The following CYP7B1 variants were observed in gnomAD, a reference collection of about 807,000 sequenced individuals.
CYP7B1 encodes cytochrome P450 7B1.
CYP7B1 carries 29 observed loss-of-function variants against 42.7 expected under a neutral mutation model. The ratio of observed to expected loss-of-function variants is 0.68; its 90% CI spans 0.51 to 0.93. The LOEUF (loss-of-function observed/expected upper bound fraction) is 0.93, where lower values mean the gene tolerates loss of function less well. CYP7B1 is among the 40% of genes least tolerant of loss of function. CYP7B1 has a pLI of 0.00. For missense variants in CYP7B1, 655 were observed against 600.5 expected (o/e 1.09, Z -0.95); for synonymous variants, 235 against 218.2 (o/e 1.08, Z -0.68).
Position 64,593,232 on chromosome 8 carries a change from GGTGT to G in CYP7B1, c.*3406_*3409del, listed in dbSNP as rs57590025. On this transcript the variant is annotated 3_prime_UTR_variant, in exon 6 of 6. Transcript: ENST00000310193. ...TGGTGGACTAAAGGCTAGGGCCCAG[GGTGT>G]GTGTGTGTGTGTGTGTGTGTGTGTG... Among the ~76,000 whole-genome samples, 5,124 of 123,140 alleles carry G rather than the reference GGTGT, an allele frequency of 0.042. 166 individuals are homozygous for G. The highest frequency in any genetic ancestry group is 0.13 in the East Asian group (576 of 4,308). 80.8% of individuals were successfully genotyped at this position (123,140 alleles called of 152,430 possible). A position where few individuals can be genotyped will look rare whatever the true frequency, so the allele number is the denominator to read the frequency against.
chr8:64,734,379 C>G (rs1489305611), intron 1 of CYP7B1: 1 of 152,164 alleles, frequency 6.6e-6, no homozygotes, highest in Non-Finnish European at 1.5e-5. Context: ...ATCAAGGTGA[C>G]AGCAGGTTCA....
intron 1 of CYP7B1, among the ~76,000 whole-genome samples, chr8:64,681,693 T>C (rs757988383): frequency 8.5e-5 from 13 of 152,256 alleles, no homozygotes; most frequent in South Asian, 2.1e-4. Flanking sequence ...CTAGCAATCA[T>C]GTGTGTGAGC....
At chr8:64,736,866 T>C (rs1807496578) in intron 1 of CYP7B1, among the ~76,000 whole-genome samples, 1 of 152,182 alleles carries the variant, frequency 6.6e-6, no homozygotes, top group Admixed American at 6.6e-5. Flanking sequence ...CTACTGTCTA[T>C]AACAGATATG....
Position 64,593,599 on chromosome 8 carries a change from A to C in CYP7B1, c.*3043T>G, listed in dbSNP as rs942650926. Reference sequence around the variant, plus strand: ...TTGGTAGTAGTATCAGCAGTCTGAAAAATGCAAATACAAATTCTCTCTTGA... The same window carrying C: ...TTGGTAGTAGTATCAGCAGTCTGAACAATGCAAATACAAATTCTCTCTTGA... On this transcript the variant is annotated 3_prime_UTR_variant, in exon 6 of 6. Transcript: ENST00000310193. 3.3e-5 allele frequency among the ~76,000 whole-genome samples: 5 copies of C among 152,160 alleles called. No homozygotes were observed. Among genetic ancestry groups the C allele is most frequent in the Non-Finnish European group, 7.3e-5 (5 of 68,040 alleles).
Position 64,686,616 on chromosome 8 carries a change from G to A in CYP7B1, c.123-62077C>T, listed in dbSNP as rs1382912090. Among the ~76,000 whole-genome samples the A allele has an allele frequency of 8.4e-4, 44 of 52,552 alleles. 2 individuals carry two copies. Among genetic ancestry groups the A allele is most frequent in the East Asian group, 7.7e-3 (22 of 2,852 alleles). 34.5% of individuals were successfully genotyped at this position (52,552 alleles called of 152,430 possible). ...AGCCCCTCTGCCCGGCCACCACCCC[G>A]TCTGGGAGGTGTGCCCAACAGCTCA... On this transcript the variant is annotated intron_variant, in intron 1 of 5. Coordinates refer to ENST00000310193, the MANE Select transcript of CYP7B1 (RefSeq NM_004820.5).
intron 1 of CYP7B1, among the ~76,000 whole-genome samples, chr8:64,719,399 T>C (rs1807205326): frequency 1.3e-5 from 2 of 152,352 alleles, no homozygotes; most frequent in East Asian, 3.9e-4. Context: ...GTCAAGATAT[T>C]AACAATGTTG....
In CYP7B1 at chr8:64,594,109, G is replaced by T. The variant is rs750617349; in HGVS notation, c.*2533C>A. On this transcript the variant is annotated 3_prime_UTR_variant, in exon 6 of 6. Transcript: ENST00000310193. ...GTTATCATGGACTAAATGTGTGTATGTGGGGGGTGGGTGGTGGGGCTTGGG... is the reference window on the plus strand; with the variant it reads ...GTTATCATGGACTAAATGTGTGTATTTGGGGGGTGGGTGGTGGGGCTTGGG... Among the ~76,000 whole-genome samples, 12 of 152,096 alleles carry T rather than the reference G, an allele frequency of 7.9e-5. No individual in the cohort carries two copies. Among genetic ancestry groups the T allele is most frequent in the Admixed American group, 2.0e-4 (3 of 15,276 alleles).
At chr8:64,736,211 C>T (rs1019517291) in intron 1 of CYP7B1, among the ~76,000 whole-genome samples, 4 of 152,082 alleles carry the variant, frequency 2.6e-5, no homozygotes, top group African/African-American at 7.2e-5. Flanking sequence ...GAAAAACACC[C>T]ATATAAATCC....
chr8:64,796,515 A>G (rs1039385655), intron 1 of CYP7B1, among the ~76,000 whole-genome samples: 1 of 152,200 alleles, frequency 6.6e-6, no homozygotes, highest in Non-Finnish European at 1.5e-5. Context: ...CTTGCACTAC[A>G]TTAGTAGTAA....
chr8:64,743,518 G>A (rs1294539043), intron 1 of CYP7B1, among the ~76,000 whole-genome samples: 1 of 152,186 alleles, frequency 6.6e-6, no homozygotes, highest in Non-Finnish European at 1.5e-5. Context: ...CACAGGGTTA[G>A]TCCAAGATCA....
At chr8:64,788,187 A>G (rs1804559903) in intron 1 of CYP7B1, among the ~76,000 whole-genome samples, 1 of 152,246 alleles carries the variant, frequency 6.6e-6, no homozygotes, top group African/African-American at 2.4e-5. Flanking sequence ...TTAGTTAACA[A>G]TGATGTATCA....
intron 1 of CYP7B1, among the ~76,000 whole-genome samples, chr8:64,786,322 A>C (rs1804525739): frequency 6.6e-6 from 1 of 152,222 alleles, no homozygotes; most frequent in Non-Finnish European, 1.5e-5. Context: ...AGCCTGTAAA[A>C]TTAAAAGCAA....
At chr8:64,766,486 G>A (rs1029066982) in intron 1 of CYP7B1, among the ~76,000 whole-genome samples, 2 of 151,850 alleles carry the variant, frequency 1.3e-5, no homozygotes, top group Admixed American at 6.6e-5. Context: ...TAGAGATCAG[G>A]AGGAGCAGGC....
chr8:64,783,309 A>G (rs1466776566), intron 1 of CYP7B1, among the ~76,000 whole-genome samples: 2 of 152,176 alleles, frequency 1.3e-5, no homozygotes, highest in Non-Finnish European at 2.9e-5. Context: ...AAACAGAAAT[A>G]ATTGACTTAT....
At chr8:64,645,273 C>T (rs556989546) in intron 1 of CYP7B1, among the ~76,000 whole-genome samples, 64 of 151,892 alleles carry the variant, frequency 4.2e-4, no homozygotes, top group African/African-American at 1.5e-3. Context: ...TGGGTATATA[C>T]CCAGTAATGG....
intron 1 of CYP7B1, among the ~76,000 whole-genome samples, chr8:64,690,927 G>A (rs77266879): frequency 0.013 from 2,011 of 152,282 alleles, 42 homozygotes; most frequent in South Asian, 0.086. Context: ...TTTATGGCAC[G>A]AAGGGACTGC....
chr8:64,646,250 G>A (rs1016454210), intron 1 of CYP7B1, among the ~76,000 whole-genome samples: 1 of 151,954 alleles, frequency 6.6e-6, no homozygotes, highest in Admixed American at 6.6e-5. Flanking sequence ...ACTACCATCA[G>A]AGTGAACAGG....
At chr8:64,692,495 A>G (rs1806762657) in intron 1 of CYP7B1, among the ~76,000 whole-genome samples, 1 of 152,194 alleles carries the variant, frequency 6.6e-6, no homozygotes, top group Non-Finnish European at 1.5e-5. Context: ...GGTCATGGAC[A>G]TTTCTCAGTG....
chr8:64,597,725 ACT>A (rs1805139529), intron 5 of CYP7B1, among the ~76,000 whole-genome samples: 1 of 152,082 alleles, frequency 6.6e-6, no homozygotes, highest in East Asian at 1.9e-4. Flanking sequence ...TTATGGTTCA[ACT>A]CTCACTTGAA....
Sources: allele counts gnomAD v4.1 joint callset (sites outside exome capture counted in the v4.1 genomes callset), GRCh38; gene constraint gnomAD v4.1.1; transcripts MANE v1.5; gene names NCBI Gene and HGNC (gene_info 2026-07-23, HGNC 2026-07-21).